Variants in MVK observed in about 807,000 individuals in gnomAD.
MVK encodes LH receptor mRNA-binding protein.
MVK carries 34 observed loss-of-function variants against 43.2 expected under a neutral mutation model. The ratio of observed to expected loss-of-function variants is 0.79; its 90% CI spans 0.60 to 1.05. MVK has a LOEUF of 1.05. Among genes scored for constraint, MVK ranks in the 50% least tolerant of loss-of-function variants. MVK has a pLI of 0.00. For missense variants in MVK, 395 were observed against 504.0 expected, an observed-to-expected ratio of 0.78 and a Z score of 2.07; for synonymous variants, 190 against 219.8, an observed-to-expected ratio of 0.86 and a Z score of 1.20.
At chr12:109,591,493 C>G (rs1015149686) in intron 9 of MVK, 136 bp downstream of exon 9, 14 of 802,912 alleles carry the variant, frequency 1.7e-5, no homozygotes, top group East Asian at 1.1e-4. Context: ...GGCCTATGCT[C>G]TCAGCTGGGC....
rs1220709824 is a variant in MVK at position 109,581,478 on chromosome 12, G to A, written c.455G>A (p.Cys152Tyr). 6.2e-7 allele frequency: 1 copy of A among 1,614,200 alleles called. No homozygotes were observed. The highest frequency in any genetic ancestry group is 8.5e-7 in the Non-Finnish European group (1 of 1,180,028). ...GLGSSAAYSV[C>Y]LAAALLTVCE... ...GGCTCCAGCGCCGCCTACTCGGTGTGTCTGGCAGCAGCCCTCCTGACTGTG... is the reference window on the plus strand; with the variant it reads ...GGCTCCAGCGCCGCCTACTCGGTGTATCTGGCAGCAGCCCTCCTGACTGTG... Residue 152 changes from cysteine to tyrosine, a missense_variant, in exon 5 of 11, where the codon TGT (cysteine) becomes TAT (tyrosine). Transcript: ENST00000228510.
chr12:109,580,486 CT>C (rs1274377059), intron 4 of MVK, among the ~76,000 whole-genome samples: 5 of 152,136 alleles, frequency 3.3e-5, no homozygotes, highest in Admixed American at 6.5e-5. Context: ...CAGCCCTTCC[CT>C]TGAGCAGCAG....
intron 5 of MVK, among the ~76,000 whole-genome samples, chr12:109,582,053 C>T (rs1332238706): frequency 6.6e-6 from 1 of 152,212 alleles, no homozygotes; most frequent in Non-Finnish European, 1.5e-5. Flanking sequence ...CATCTCTCCT[C>T]CTACGGGGCC....
rs1291575034 is a variant in MVK, at chr12:109,591,317, T to C, written c.845T>C (p.Met282Thr). ...SLECERVLGEMGEAPAPEQYL... is the reference protein window; with the variant it reads ...SLECERVLGETGEAPAPEQYL... ...GAGTGTGAGCGCGTGCTGGGAGAGA[T>C]GGGGGAAGCCCCAGCCCCGGAGCAG... is the stretch of plus-strand genomic sequence containing the variant. Residue 282 changes from methionine (M) to threonine (T), a missense_variant, in exon 9 of 11, where the codon ATG (methionine) becomes ACG (threonine). Transcript: ENST00000228510. 2 of 1,614,132 alleles carry C rather than the reference T, an allele frequency of 1.2e-6. No homozygotes were observed. Among genetic ancestry groups the C allele is most frequent in the Non-Finnish European group, 1.7e-6 (2 of 1,180,022 alleles).
rs781666657 is a variant in MVK at position 109,579,869 on chromosome 12, TGAC to T, written c.298_300del (p.Asp100del). ...AGCTAAAGGAGGTTGCAGGCTTGCCTGACGACTGTGCTGTCACCGAGCGCCTGG... is the reference window on the plus strand; with the variant it reads ...AGCTAAAGGAGGTTGCAGGCTTGCCTGACTGTGCTGTCACCGAGCGCCTGG... On this transcript the variant is annotated inframe_deletion, in exon 4 of 11. Transcript: ENST00000228510. 6.2e-7 allele frequency: 1 copy of T among 1,614,266 alleles called. No individual in the cohort carries two copies. The highest frequency in any genetic ancestry group is 2.2e-5 in the East Asian group (1 of 44,884).
intron 5 of MVK, 127 bp from the exon 6 acceptor site, chr12:109,585,895 A>C: frequency 1.3e-6 from 1 of 760,020 alleles, no homozygotes. Flanking sequence ...TTCAGAGTGG[A>C]CTTGTTCTTT....
chr12:109,590,270 GC>G (rs1362918781), intron 7 of MVK: 8 of 216,114 alleles, frequency 3.7e-5, no homozygotes, highest in South Asian at 7.6e-5. Flanking sequence ...GTGAACCTTC[GC>G]CCCCTCCTTG....
intron 6 of MVK, 82 bp downstream of exon 6, chr12:109,586,207 G>C: frequency 9.1e-7 from 1 of 1,100,598 alleles, no homozygotes; most frequent in Non-Finnish European, 1.4e-6. Context: ...AGTCTGTGCT[G>C]GTTTGGGAGG....
intron 5 of MVK, 131 bp from the exon 6 acceptor site, chr12:109,585,891 G>C: frequency 1.3e-6 from 1 of 750,124 alleles, no homozygotes; most frequent in South Asian, 1.5e-5. Flanking sequence ...GAGGTTCAGA[G>C]TGGACTTGTT....
chr12:109,579,207 A>G (rs1283216753), intron 3 of MVK: 7 of 444,196 alleles, frequency 1.6e-5, no homozygotes, highest in African/African-American at 6.1e-5. Context: ...TGGTGCGACC[A>G]CAGCTCACTG....
Position 109,597,045 on chromosome 12 carries a change from C to T in MVK, c.*468C>T, listed in dbSNP as rs768794506. 78 of 227,026 alleles carry T rather than the reference C, an allele frequency of 3.4e-4. No individual in the cohort carries two copies. Among genetic ancestry groups the T allele is most frequent in the Non-Finnish European group, 5.6e-4 (63 of 111,726 alleles). 14.1% of individuals were successfully genotyped at this position (227,026 alleles called of 1,614,324 possible). On this transcript the variant is annotated 3_prime_UTR_variant, in exon 11 of 11. Coordinates refer to ENST00000228510, the MANE Select transcript of MVK (RefSeq NM_000431.4). ...CAGGAAGCCTTCCCCTACCCCTTGT[C>T]GCCCCTCCCTCCCAGAGCACCTGCT... is the stretch of plus-strand genomic sequence containing the variant.
intron 6 of MVK, among the ~76,000 whole-genome samples, chr12:109,586,394 G>T (rs1039603196): frequency 6.6e-6 from 1 of 152,180 alleles, no homozygotes; most frequent in African/African-American, 2.4e-5. Flanking sequence ...AGGATGCAGA[G>T]CCGTTGCCGT....
At chr12:109,583,407 G>A (rs1393809924) in intron 5 of MVK, among the ~76,000 whole-genome samples, 3 of 152,064 alleles carry the variant, frequency 2.0e-5, no homozygotes, top group African/African-American at 7.2e-5. Context: ...TTTCATCCAT[G>A]TCCCTACAAA....
rs756511969 is a variant in MVK, at chr12:109,591,280, G to A, written c.808G>A (p.Ala270Thr). ...GGCCCCCCTCCTGACCTCAATAGATGCCATCTCCCTGGAGTGTGAGCGCGT... is the reference window on the plus strand; with the variant it reads ...GGCCCCCCTCCTGACCTCAATAGATACCATCTCCCTGGAGTGTGAGCGCGT... ...IVAPLLTSIDAISLECERVLG... is the reference protein window; with the variant it reads ...IVAPLLTSIDTISLECERVLG... Residue 270 changes from alanine (A) to threonine (T), a missense_variant, in exon 9 of 11, where the codon GCC becomes ACC. By Grantham distance (58) the Ala-to-Thr change is moderately conservative. Coordinates refer to ENST00000228510, the MANE Select transcript of MVK (RefSeq NM_000431.4). 9 of 1,614,210 alleles carry A rather than the reference G, an allele frequency of 5.6e-6. No individual in the cohort carries two copies. The South Asian group carries it at 8.8e-5, about 16-fold the overall frequency.
At chr12:109,587,494 G>A (rs766508624) in intron 7 of MVK, among the ~76,000 whole-genome samples, 2 of 152,230 alleles carry the variant, frequency 1.3e-5, no homozygotes, top group Admixed American at 6.5e-5. Flanking sequence ...GGAATGAAAC[G>A]CATGGCAGAG....
At chr12:109,576,750 A>C (rs1187852211) in intron 3 of MVK, among the ~76,000 whole-genome samples, 1 of 152,050 alleles carries the variant, frequency 6.6e-6, no homozygotes, top group South Asian at 2.1e-4. Context: ...ACACACCTGT[A>C]ATCTCAGCTA....
chr12:109,575,934 A>G, intron 2 of MVK, 64 bp from the exon 3 acceptor site: 1 of 1,592,586 alleles, frequency 6.3e-7, no homozygotes, highest in East Asian at 2.2e-5. Context: ...TCTTCTTAGC[A>G]CGTGGGTCCT....
intron 5 of MVK, among the ~76,000 whole-genome samples, chr12:109,585,281 G>A (rs1001744610): frequency 3.3e-5 from 5 of 152,124 alleles, no homozygotes; most frequent in African/African-American, 4.8e-5. Flanking sequence ...ACCTCTGCCC[G>A]TTCTTCTTAA....
chr12:109,593,667 G>A (rs1885783531), intron 9 of MVK, among the ~76,000 whole-genome samples: 1 of 151,266 alleles, frequency 6.6e-6, no homozygotes, highest in South Asian at 2.1e-4. Context: ...TCTCGTGCCA[G>A]GCATTGAACA....
Sources: gnomAD v4.1 joint callset for allele counts (sites outside exome capture counted in the v4.1 genomes callset) on GRCh38, gnomAD v4.1.1 for gene constraint, MANE v1.5 for transcripts, NCBI Gene and HGNC (gene_info 2026-07-23, HGNC 2026-07-21) for gene names.